The following ASH1L variants were observed in gnomAD, a reference collection of about 807,000 sequenced individuals.
The protein encoded by ASH1L is ASH1 like histone lysine methyltransferase.
In ASH1L, 23 loss-of-function variants were observed where a neutral mutation model predicts 269.0. The observed-to-expected ratio is 0.09, with a 90% CI of 0.06 to 0.12. The LOEUF is 0.12. ASH1L is among the 10% of genes least tolerant of loss of function. The probability of loss-of-function intolerance (pLI) is 1.00; values close to 1 mark genes in which losing one functional copy is unlikely to be tolerated. For missense variants in ASH1L, 2,912 were observed against 3,567.8 expected, an observed-to-expected ratio of 0.82 and a Z score of 4.68; for synonymous variants, 1,187 against 1,253.5, an observed-to-expected ratio of 0.95 and a Z score of 1.12.
intron 12 of ASH1L, among the ~76,000 whole-genome samples, chr1:155,365,994 G>A (rs1227478754): frequency 1.3e-5 from 2 of 152,166 alleles, no homozygotes; most frequent in East Asian, 3.8e-4. Flanking sequence ...AATGTCAGAA[G>A]CGTTTAAACC....
intron 15 of ASH1L, among the ~76,000 whole-genome samples, chr1:155,355,034 G>A (rs147213380): frequency 3.0e-4 from 46 of 152,290 alleles, no homozygotes; most frequent in African/African-American, 1.0e-3. Context: ...GTTAGGTGCA[G>A]TGCTGCCATA....
intron 10 of ASH1L, among the ~76,000 whole-genome samples, chr1:155,376,862 G>C (rs1387225081): frequency 1.5e-5 from 2 of 132,418 alleles, no homozygotes; most frequent in Admixed American, 7.5e-5. Flanking sequence ...CTCAGAAAAA[G>C]AAAAAAAAAA....
At chr1:155,358,413 A>G (rs930539959) in intron 13 of ASH1L, among the ~76,000 whole-genome samples, 12 of 152,050 alleles carry the variant, frequency 7.9e-5, no homozygotes, top group South Asian at 4.2e-4. Context: ...AAGGCCAGGC[A>G]TGGTGGCTCA....
chr1:155,445,766 A>G (rs1662960710), intron 4 of ASH1L, among the ~76,000 whole-genome samples: 1 of 152,298 alleles, frequency 6.6e-6, no homozygotes, highest in Admixed American at 6.5e-5. Context: ...TGCCTCTGAC[A>G]TATCTCTCCC....
chr1:155,494,346 CA>C (rs997407016), intron 2 of ASH1L, among the ~76,000 whole-genome samples: 3 of 152,122 alleles, frequency 2.0e-5, no homozygotes, highest in African/African-American at 7.2e-5. Flanking sequence ...GGAAAATGGA[CA>C]TTTTTCAGTC....
intron 5 of ASH1L, among the ~76,000 whole-genome samples, chr1:155,428,968 G>A (rs1403062380): frequency 6.6e-6 from 1 of 151,922 alleles, no homozygotes; most frequent in African/African-American, 2.4e-5. Context: ...TTCCTCTAGC[G>A]CCACTGGGTT....
chr1:155,562,735 TCAGGCCCTGTCAAGCCGGCGCCGGCG>T lies in ASH1L; in HGVS notation c.-708_-683del. On this transcript the variant is annotated 5_prime_UTR_variant, in exon 1 of 28. Transcript: ENST00000392403. ...CCCTCGTCCAGTCCCTCACTACCCC[TCAGGCCCTGTCAAGCCGGCGCCGGCG>T]CAGGCCCTCACGCGTACCTTCAACG... is the stretch of plus-strand genomic sequence containing the variant. The T allele has an allele frequency of 1.5e-6, 2 of 1,294,726 alleles. No homozygotes were observed. Among genetic ancestry groups the T allele is most frequent in the South Asian group, 2.5e-5 (2 of 79,276 alleles). The allele number at this position is 1,294,726 out of a possible 1,614,324, so 80.2% of individuals were successfully genotyped here.
At chr1:155,425,435 C>G (rs1661066501) in intron 5 of ASH1L, among the ~76,000 whole-genome samples, 5 of 150,014 alleles carry the variant, frequency 3.3e-5, no homozygotes, top group Admixed American at 2.7e-4. Flanking sequence ...CACCATCATG[C>G]AGGGCTATTT....
At chr1:155,551,420 GGAGGCC>G (rs1307466251) in intron 1 of ASH1L, among the ~76,000 whole-genome samples, 1 of 151,986 alleles carries the variant, frequency 6.6e-6, no homozygotes, top group Non-Finnish European at 1.5e-5. Context: ...CAGCACTTTG[GGAGGCC>G]GAGGCGGGCG....
chr1:155,407,852 TA>T (rs765475195), intron 6 of ASH1L, among the ~76,000 whole-genome samples: 3,260 of 147,234 alleles, frequency 0.022, 34 homozygotes, highest in Non-Finnish European at 0.031. Context: ...CAGGACTGGT[TA>T]AAAAAAAAAA....
chr1:155,407,150 G>A (rs1291228845), intron 6 of ASH1L, among the ~76,000 whole-genome samples: 1 of 152,134 alleles, frequency 6.6e-6, no homozygotes, highest in Non-Finnish European at 1.5e-5. Context: ...TTGAACCCGG[G>A]AGGCAGAGGT....
chr1:155,421,649 C>T (rs1290466015), intron 5 of ASH1L, among the ~76,000 whole-genome samples: 5 of 149,774 alleles, frequency 3.3e-5, no homozygotes, highest in South Asian at 2.1e-4. Flanking sequence ...CCATCTTGGG[C>T]GACAGAGCAA....
intron 6 of ASH1L, among the ~76,000 whole-genome samples, chr1:155,397,841 G>A (rs556681581): frequency 2.0e-5 from 3 of 152,274 alleles, no homozygotes; most frequent in South Asian, 2.1e-4. Context: ...GATTACAGGC[G>A]TGAGCCACGG....
intron 2 of ASH1L, among the ~76,000 whole-genome samples, chr1:155,485,106 A>C (rs974445970): frequency 1.7e-4 from 25 of 151,412 alleles, no homozygotes; most frequent in African/African-American, 6.1e-4. Flanking sequence ...AATACAAAAA[A>C]TTAGCTGGGC....
intron 1 of ASH1L, among the ~76,000 whole-genome samples, chr1:155,525,290 A>G (rs1669173411): frequency 6.6e-6 from 1 of 152,048 alleles, no homozygotes; most frequent in Non-Finnish European, 1.5e-5. Context: ...AAAAATAAAA[A>G]GTACAAAGTC....
rs769811246 is a variant in ASH1L, at chr1:155,482,390, T to C, written c.480A>G (p.Glu160=). The C allele has an allele frequency of 2.5e-6, 4 of 1,614,130 alleles. No individual in the cohort carries two copies. The highest frequency in any genetic ancestry group is 1.7e-5 in the Admixed American group (1 of 60,020). Residue 160 remains glutamate, a synonymous_variant, in exon 3 of 28, where the codon GAA becomes GAG. Coordinates refer to ENST00000392403, the MANE Select transcript of ASH1L (RefSeq NM_018489.3). ...DDVAAIECQS[E]EVIRLHSQGE... is the part of the protein sequence containing the mutation. ...CCTGTGAATGAAGACGGATGACTTC[T>C]TCAGACTGGCATTCAATGGCTGCAA... is the stretch of plus-strand genomic sequence containing the variant.
chr1:155,439,097 CA>C, intron 4 of ASH1L, 29 bp from the exon 5 acceptor site: 1 of 1,564,022 alleles, frequency 6.4e-7, no homozygotes, highest in Non-Finnish European at 8.6e-7. Context: ...CACACATAGA[CA>C]AAATTGGACA....
intron 1 of ASH1L, among the ~76,000 whole-genome samples, chr1:155,545,327 A>G (rs1340843693): frequency 6.6e-6 from 1 of 151,822 alleles, no homozygotes; most frequent in Non-Finnish European, 1.5e-5. Flanking sequence ...ACTATCCATT[A>G]CAAACTTTTA....
intron 15 of ASH1L, among the ~76,000 whole-genome samples, chr1:155,356,506 G>A (rs1474857660): frequency 6.6e-6 from 1 of 151,680 alleles, no homozygotes; most frequent in African/African-American, 2.4e-5. Flanking sequence ...GTGGTGGCAC[G>A]TGCCTGTAGT....
Sources: gnomAD v4.1 joint callset for allele counts (sites outside exome capture counted in the v4.1 genomes callset) on GRCh38, gnomAD v4.1.1 for gene constraint, MANE v1.5 for transcripts, NCBI Gene and HGNC (gene_info 2026-07-23, HGNC 2026-07-21) for gene names.